Variants in DECR1 observed in about 807,000 individuals in gnomAD.
The protein encoded by DECR1 is 2,4-dienoyl-CoA reductase 1, also known as 2,4-dienoyl-CoA reductase [(3E)-enoyl-CoA-producing], mitochondrial.
A neutral mutation model predicts 38.8 loss-of-function variants in DECR1; 44 were observed. That is an observed-to-expected ratio of 1.13 (90% CI 0.89 to 1.46). The LOEUF (loss-of-function observed/expected upper bound fraction) is 1.46, where lower values mean the gene tolerates loss of function less well. DECR1 is among the 40% of genes most tolerant of loss of function. The pLI, the probability that DECR1 is intolerant of heterozygous loss-of-function variation, is 0.00. For missense variants in DECR1, 428 were observed against 405.5 expected, an observed-to-expected ratio of 1.06 and a Z score of -0.48; for synonymous variants, 148 against 135.2, an observed-to-expected ratio of 1.09 and a Z score of -0.66.
At chr8:90,036,266 T>TTCC (rs1279708539) in intron 5 of DECR1, among the ~76,000 whole-genome samples, 1 of 152,088 alleles carries the variant, frequency 6.6e-6, no homozygotes, top group Non-Finnish European at 1.5e-5. Flanking sequence ...TCTGCTTAGA[T>TTCC]TCCTCCTCCT....
At chr8:90,033,057 G>A (rs1041669478) in intron 5 of DECR1, among the ~76,000 whole-genome samples, 4 of 152,124 alleles carry the variant, frequency 2.6e-5, no homozygotes, top group African/African-American at 9.7e-5. Flanking sequence ...CAGTCTCATA[G>A]CTACACAGCT....
intron 1 of DECR1, among the ~76,000 whole-genome samples, chr8:90,012,600 T>C (rs1372688538): frequency 6.6e-6 from 1 of 152,232 alleles, no homozygotes; most frequent in African/African-American, 2.4e-5. Flanking sequence ...TCTGTATCCA[T>C]GTGCTTTCTA....
In DECR1 at chr8:90,017,323, G is replaced by T; in HGVS notation, c.269G>T (p.Ser90Ile). ...CTAGGTGCTCAGTGCGTGATAGCCA[G>T]CCGGTAAGTCCCTTACATCAAGCCT... Reference protein sequence around the residue: ...SSLGAQCVIASRKMDVLKATA... With the variant: ...SSLGAQCVIAIRKMDVLKATA... Residue 90 changes from serine to isoleucine, a missense_variant, in exon 2 of 10, where the codon AGC becomes ATC. By Grantham distance (142) the Ser-to-Ile change is moderately radical (BLOSUM62 -2). Coordinates refer to ENST00000220764, the MANE Select transcript of DECR1 (RefSeq NM_001359.2). The T allele has an allele frequency of 6.2e-7, 1 of 1,613,608 alleles. No homozygotes were observed. The highest frequency in any genetic ancestry group is 8.5e-7 in the Non-Finnish European group (1 of 1,179,798).
At chr8:90,042,609 C>T in intron 6 of DECR1, 119 bp from the exon 7 acceptor site, 1 of 798,998 alleles carries the variant, frequency 1.3e-6, no homozygotes, top group Non-Finnish European at 2.2e-6. Context: ...AATAATAGTA[C>T]CTACCTGTTG....
At chr8:90,028,327 A>T (rs1478103647) in intron 5 of DECR1, among the ~76,000 whole-genome samples, 4 of 152,060 alleles carry the variant, frequency 2.6e-5, no homozygotes, top group Non-Finnish European at 4.4e-5. Flanking sequence ...CCTCATGTCT[A>T]TTATTGTCTT....
Position 90,020,980 on chromosome 8 carries a change from C to T in DECR1, c.489C>T (p.Thr163=), listed in dbSNP as rs989205910. 6.3e-7 allele frequency: 1 copy of T among 1,597,006 alleles called. No individual in the cohort carries two copies. The highest frequency in any genetic ancestry group is 8.5e-7 in the Non-Finnish European group (1 of 1,173,448). ...GACTTTCTCCTAATGCTTGGAAAAC[C>T]ATAACTGACATAGTTCTAAATGGCA... ...TERLSPNAWK[T]ITDIVLNGTA... is the part of the protein sequence containing the mutation. The change falls in exon 5 of 10, where the codon ACC becomes ACT. Residue 163 remains threonine (T), a synonymous_variant. Transcript: ENST00000220764.
Position 90,021,065 on chromosome 8 carries a change from A to G in DECR1, c.565+9A>G, listed in dbSNP as rs1161323041. The G allele has an allele frequency of 5.1e-6, 8 of 1,556,398 alleles. No homozygotes were observed. In the South Asian group the frequency reaches 8.6e-5, roughly 17 times the overall value. ...AATTAAAGCACAGAAAGGTATGTTT[A>G]TTTGCTTTTCTCATATTTATTTGGC... On this transcript the variant is annotated intron_variant, in intron 5 of 9. Coordinates refer to ENST00000220764, the MANE Select transcript of DECR1 (RefSeq NM_001359.2).
intron 8 of DECR1, among the ~76,000 whole-genome samples, chr8:90,051,063 T>C (rs914550339): frequency 6.6e-6 from 1 of 151,822 alleles, no homozygotes; most frequent in African/African-American, 2.4e-5. Context: ...TTAGCAGATA[T>C]ACCTAATGTA....
At chr8:90,047,340 C>G (rs1813937165) in intron 8 of DECR1, among the ~76,000 whole-genome samples, 1 of 151,946 alleles carries the variant, frequency 6.6e-6, no homozygotes, top group African/African-American at 2.4e-5. Context: ...GGAGGAAACC[C>G]TACCAAGCAA....
In DECR1 at chr8:90,052,000, A is replaced by G. The variant is rs1209075647; in HGVS notation, c.*103A>G. On this transcript the variant is annotated 3_prime_UTR_variant, in exon 10 of 10. Transcript: ENST00000220764. ...CAAGTCTAATAAATTCTTAATTAAC[A>G]AACATTCATTGAATATGTATTATGT... The G allele has an allele frequency of 9.9e-7, 1 of 1,013,628 alleles. No individual in the cohort carries two copies. Among genetic ancestry groups the G allele is most frequent in the African/African-American group, 1.6e-5 (1 of 62,006 alleles). 62.8% of individuals were successfully genotyped at this position (1,013,628 alleles called of 1,614,324 possible). A position where few individuals can be genotyped will look rare whatever the true frequency, so the allele number is the denominator to read the frequency against.
At chr8:90,030,151 C>T (rs1257881361) in intron 5 of DECR1, among the ~76,000 whole-genome samples, 5 of 152,044 alleles carry the variant, frequency 3.3e-5, no homozygotes, top group Non-Finnish European at 5.9e-5. Flanking sequence ...ATAGGGTTTG[C>T]GCTCCTATGA....
chr8:90,051,654 G>A (rs1352046864), intron 8 of DECR1, 23 bp from the exon 9 acceptor site: 3 of 1,603,040 alleles, frequency 1.9e-6, no homozygotes, highest in Non-Finnish European at 1.7e-6. Flanking sequence ...TAGTTTCAGA[G>A]TTTAAAAATT....
chr8:90,027,436 T>G (rs1197887926), intron 5 of DECR1, among the ~76,000 whole-genome samples: 1 of 152,220 alleles, frequency 6.6e-6, no homozygotes, highest in Non-Finnish European at 1.5e-5. Flanking sequence ...TTTAGGATAG[T>G]TAGCTCTTCC....
intron 6 of DECR1, among the ~76,000 whole-genome samples, chr8:90,039,787 A>T (rs550500288): frequency 6.6e-6 from 1 of 152,316 alleles, no homozygotes; most frequent in Non-Finnish European, 1.5e-5. Flanking sequence ...TTCATTATAT[A>T]ACCAGGCTCA....
At chr8:90,032,805 G>C (rs910537641) in intron 5 of DECR1, among the ~76,000 whole-genome samples, 3 of 152,100 alleles carry the variant, frequency 2.0e-5, no homozygotes, top group African/African-American at 7.2e-5. Context: ...TAGGGGGCTG[G>C]GTTGCCTGTT....
chr8:90,036,883 G>T lies in DECR1; in HGVS notation c.608G>T (p.Gly203Val), dbSNP rs1355477541. 1 of 1,613,496 alleles carries T rather than the reference G, an allele frequency of 6.2e-7. No individual in the cohort carries two copies. Among genetic ancestry groups the T allele is most frequent in the Non-Finnish European group, 8.5e-7 (1 of 1,179,742 alleles). The stretch of plus-strand genomic sequence containing the variant: ...ATTACTACTATCTATGCTGAGACTG[G>T]TTCAGGTTTTGTAGTACCAAGTGCT... ...LSITTIYAET[G>V]SGFVVPSASA... The change falls in exon 6 of 10, where the codon GGT becomes GTT. Residue 203 changes from glycine (G) to valine (V), a missense_variant. Gly to Val is a moderately radical substitution (Grantham distance 109, BLOSUM62 -3). Transcript: ENST00000220764.
Position 90,052,093 on chromosome 8 carries a change from A to T in DECR1, c.*196A>T, listed in dbSNP as rs928546745. On this transcript the variant is annotated 3_prime_UTR_variant, in exon 10 of 10. Coordinates refer to ENST00000220764, the MANE Select transcript of DECR1 (RefSeq NM_001359.2). ...ATGAAATATAGTCCTTCAAAACATT[A>T]AAAAAAAAAAAAGGAGGCATGGGGA... The T allele has an allele frequency of 4.7e-5, 6 of 127,134 alleles. No individual in the cohort carries two copies. The highest frequency in any genetic ancestry group is 8.2e-5 in the Non-Finnish European group (6 of 73,002). The allele number at this position is 127,134 out of a possible 1,614,324, so 7.9% of individuals were successfully genotyped here. A position where few individuals can be genotyped will look rare whatever the true frequency, so the allele number is the denominator to read the frequency against.
At chr8:90,018,191 A>G (rs1324423318) in intron 2 of DECR1, among the ~76,000 whole-genome samples, 4 of 152,302 alleles carry the variant, frequency 2.6e-5, no homozygotes, top group Non-Finnish European at 4.4e-5. Context: ...CCCAGCCAGT[A>G]CTTTCATTTT....
chr8:90,027,911 TC>T (rs1458392776), intron 5 of DECR1, among the ~76,000 whole-genome samples: 1 of 152,148 alleles, frequency 6.6e-6, no homozygotes, highest in African/African-American at 2.4e-5. Context: ...ACCATTGCAT[TC>T]CTAGGCTGAA....
Sources: allele counts gnomAD v4.1 joint callset (sites outside exome capture counted in the v4.1 genomes callset), GRCh38; gene constraint gnomAD v4.1.1; transcripts MANE v1.5; gene names NCBI Gene and HGNC (gene_info 2026-07-23, HGNC 2026-07-21).